Variants in ADARB2 observed in about 807,000 individuals in gnomAD.
ADARB2 encodes the protein adenosine deaminase RNA specific B2 (inactive).
In ADARB2, 25 loss-of-function variants were observed where a neutral mutation model predicts 62.2. The observed-to-expected ratio is 0.40, with a 90% CI of 0.29 to 0.56. The LOEUF is 0.56. ADARB2 is among the 20% of genes least tolerant of loss of function. The pLI, the probability that ADARB2 is intolerant of heterozygous loss-of-function variation, is 0.43. For missense variants in ADARB2, 1,071 were observed against 1,077.4 expected, an observed-to-expected ratio of 0.99 and a Z score of 0.08; for synonymous variants, 572 against 500.8, an observed-to-expected ratio of 1.14 and a Z score of -1.90.
intron 1 of ADARB2, among the ~76,000 whole-genome samples, chr10:1,539,042 C>T (rs190132965): frequency 9.9e-5 from 15 of 152,268 alleles, no homozygotes; most frequent in African/African-American, 2.9e-4. Flanking sequence ...GCATGCACGT[C>T]GGCCCTGGGA....
chr10:1,286,075 G>C (rs1270803972), intron 3 of ADARB2, among the ~76,000 whole-genome samples: 2 of 151,852 alleles, frequency 1.3e-5, no homozygotes, highest in African/African-American at 4.8e-5. Flanking sequence ...GGGGGCGGGT[G>C]GTGGGGCAGT....
rs1387145125 is a variant in ADARB2 at position 1,363,721 on chromosome 10, G to A, written c.384C>T (p.Asn128=). The A allele has an allele frequency of 1.2e-5, 19 of 1,610,652 alleles. No individual in the cohort carries two copies. Among genetic ancestry groups the A allele is most frequent in the Non-Finnish European group, 1.6e-5 (19 of 1,179,506 alleles). Residue 128 remains asparagine, a synonymous_variant, in exon 3 of 10, where the codon AAC becomes AAT. Transcript: ENST00000381312. ...KKLSWSVAPK[N]ALVQLHELRP... ...TCAGCTCGTGCAGCTGCACCAGCGCGTTCTTGGGCGCCACCGACCACGACA... is the reference window on the plus strand; with the variant it reads ...TCAGCTCGTGCAGCTGCACCAGCGCATTCTTGGGCGCCACCGACCACGACA...
chr10:1,234,835 G>A (rs1211713902), intron 5 of ADARB2, among the ~76,000 whole-genome samples: 2 of 130,860 alleles, frequency 1.5e-5, no homozygotes, highest in East Asian at 4.9e-4. Flanking sequence ...TGCAACCTCT[G>A]CCTCCTGGGT....
At chr10:1,667,860 C>T (rs932717608) in intron 1 of ADARB2, among the ~76,000 whole-genome samples, 1 of 152,228 alleles carries the variant, frequency 6.6e-6, no homozygotes, top group East Asian at 1.9e-4. Context: ...GTTTAATAAC[C>T]TTTCTGAAAA....
chr10:1,521,791 C>A (rs567128483), intron 1 of ADARB2, among the ~76,000 whole-genome samples: 3 of 150,488 alleles, frequency 2.0e-5, no homozygotes, highest in African/African-American at 7.3e-5. Context: ...CCCCCACTAC[C>A]CCCAACCCCT....
At chr10:1,727,717 A>G (rs551483706) in intron 1 of ADARB2, among the ~76,000 whole-genome samples, 2 of 152,216 alleles carry the variant, frequency 1.3e-5, no homozygotes, top group South Asian at 4.1e-4. Context: ...GAGATCACGG[A>G]AGGTTATTTT....
At chr10:1,624,009 G>A (rs956314624) in intron 1 of ADARB2, among the ~76,000 whole-genome samples, 2 of 152,062 alleles carry the variant, frequency 1.3e-5, no homozygotes, top group African/African-American at 2.4e-5. Context: ...GAGGCGGATC[G>A]ATCACTTAAG....
intron 1 of ADARB2, among the ~76,000 whole-genome samples, chr10:1,593,280 C>G (rs950762281): frequency 1.8e-4 from 25 of 136,446 alleles, no homozygotes; most frequent in African/African-American, 8.0e-4. Context: ...CCCAAGCCAC[C>G]CTCCATAGGT....
Position 1,657,552 on chromosome 10 carries a change from G to C in ADARB2, c.100+79499C>G, listed in dbSNP as rs186226910. On this transcript the variant is annotated intron_variant, in intron 1 of 9. Transcript: ENST00000381312. ...CCATCTCTCTCCCCTCTGAAGCCAC[G>C]GTTTCCTGAAGGTCTCCCATTTCTG... is the stretch of plus-strand genomic sequence containing the variant. Among the ~76,000 whole-genome samples the C allele has an allele frequency of 4.1e-3, 618 of 152,252 alleles. 6 individuals carry two copies. Among genetic ancestry groups the C allele is most frequent in the African/African-American group, 0.014 (584 of 41,528 alleles).
At chr10:1,324,718 A>T (rs982526239) in intron 3 of ADARB2, among the ~76,000 whole-genome samples, 4 of 152,168 alleles carry the variant, frequency 2.6e-5, no homozygotes, top group African/African-American at 9.7e-5. Context: ...TGGCCACCAG[A>T]TATTAAAGTT....
At chr10:1,500,850 T>C (rs1831759963) in intron 1 of ADARB2, among the ~76,000 whole-genome samples, 1 of 152,196 alleles carries the variant, frequency 6.6e-6, no homozygotes, top group Admixed American at 6.5e-5. Flanking sequence ...TAGAGTCATA[T>C]TCTCTAGTGC....
chr10:1,543,029 G>A (rs899539917), intron 1 of ADARB2, among the ~76,000 whole-genome samples: 21 of 152,242 alleles, frequency 1.4e-4, no homozygotes, highest in Non-Finnish European at 4.4e-5. Flanking sequence ...TTGCAGCTCC[G>A]CGCTGGGCAG....
At chr10:1,573,051 C>T (rs1447708261) in intron 1 of ADARB2, among the ~76,000 whole-genome samples, 1 of 152,248 alleles carries the variant, frequency 6.6e-6, no homozygotes, top group Non-Finnish European at 1.5e-5. Flanking sequence ...CTCCTGCAGG[C>T]CAGCGAGCTC....
At chr10:1,375,543 C>T (rs11250485) in intron 2 of ADARB2, among the ~76,000 whole-genome samples, 5,949 of 152,312 alleles carry the variant, frequency 0.039, 143 homozygotes, top group Middle Eastern at 0.071. Context: ...CATCCAGCAT[C>T]CACAGGGAAG....
rs571399656 is a variant in ADARB2 at position 1,356,431 on chromosome 10, G to A, written c.1077+6597C>T. 1.5e-4 allele frequency among the ~76,000 whole-genome samples: 23 copies of A among 152,254 alleles called. 1 individual carries two copies. In the South Asian group the frequency reaches 4.2e-3, roughly 27 times the overall value. On this transcript the variant is annotated intron_variant, in intron 3 of 9. Coordinates refer to ENST00000381312, the MANE Select transcript of ADARB2 (RefSeq NM_018702.4). The stretch of plus-strand genomic sequence containing the variant: ...GGAGGGCTTCACAGAGAACAGAACC[G>A]CCTGGGGTGAGCTGGTGGAAAACAA...
At chr10:1,449,138 C>T (rs1831007345) in intron 1 of ADARB2, among the ~76,000 whole-genome samples, 1 of 152,184 alleles carries the variant, frequency 6.6e-6, no homozygotes, top group Non-Finnish European at 1.5e-5. Flanking sequence ...CCAGGTCCCC[C>T]TCACCCGAGT....
intron 1 of ADARB2, among the ~76,000 whole-genome samples, chr10:1,584,265 T>C (rs1833145155): frequency 6.6e-6 from 1 of 151,956 alleles, no homozygotes; most frequent in Non-Finnish European, 1.5e-5. Flanking sequence ...AACAACCCAA[T>C]TAAAAAATGC....
chr10:1,233,842 C>G lies in ADARB2; in HGVS notation c.1365G>C (p.Lys455Asn). ...LYTQLELHLS[K>N]RREDSERSIF... Reference sequence around the variant, plus strand: ...TCGATCGCTCTGAGTCCTCGCGCCGCTTGCTAGGGTCACAAAGAGGTTTGG... The same window carrying G: ...TCGATCGCTCTGAGTCCTCGCGCCGGTTGCTAGGGTCACAAAGAGGTTTGG... The change falls in exon 6 of 10, where the codon AAG becomes AAC. Residue 455 changes from lysine (K) to asparagine (N), a missense_variant. Physicochemically the swap from Lys to Asn is moderately conservative, Grantham distance 94. Transcript: ENST00000381312. 2.5e-6 allele frequency: 4 copies of G among 1,613,386 alleles called. No homozygotes were observed. In the Middle Eastern group the frequency reaches 6.6e-4, roughly 266 times the overall value.
intron 1 of ADARB2, among the ~76,000 whole-genome samples, chr10:1,424,455 T>C (rs1564286121): frequency 6.6e-6 from 1 of 152,194 alleles, no homozygotes; most frequent in Non-Finnish European, 1.5e-5. Context: ...GTTTAATGAC[T>C]CGTGGCAAAG....
Sources: gnomAD v4.1 joint callset for allele counts (sites outside exome capture counted in the v4.1 genomes callset) on GRCh38, gnomAD v4.1.1 for gene constraint, MANE v1.5 for transcripts, NCBI Gene and HGNC (gene_info 2026-07-23, HGNC 2026-07-21) for gene names.